MYOM1: variants seen among roughly 807,000 people sequenced by gnomAD.
MYOM1 encodes the protein myomesin-1.
A neutral mutation model predicts 205.3 loss-of-function variants in MYOM1; 164 were observed. The observed-to-expected ratio is 0.80, with a 90% CI of 0.70 to 0.91. The LOEUF is 0.91. Among genes scored for constraint, MYOM1 ranks in the 40% least tolerant of loss-of-function variants. The probability of loss-of-function intolerance (pLI) is 0.00; values close to 1 mark genes in which losing one functional copy is unlikely to be tolerated. For missense variants in MYOM1, 2,011 were observed against 2,127.3 expected, an observed-to-expected ratio of 0.95 and a Z score of 1.08; for synonymous variants, 772 against 789.4, an observed-to-expected ratio of 0.98 and a Z score of 0.37.
intron 33 of MYOM1, among the ~76,000 whole-genome samples, chr18:3,081,759 C>T (rs2079088740): frequency 6.6e-6 from 1 of 152,174 alleles, no homozygotes; most frequent in South Asian, 2.1e-4. Context: ...GAATAAGCCC[C>T]AAGCATTCTA....
intron 4 of MYOM1, 23 bp from the exon 5 acceptor site, chr18:3,187,660 A>T (rs1217668208): frequency 6.4e-7 from 1 of 1,562,000 alleles, no homozygotes; most frequent in Non-Finnish European, 8.7e-7. Context: ...ATATGCAAAC[A>T]AACATATTAC....
In MYOM1 at chr18:3,126,766, T is replaced by C; in HGVS notation, c.2926A>G (p.Ile976Val). The C allele has an allele frequency of 6.2e-7, 1 of 1,613,930 alleles. No individual in the cohort carries two copies. The highest frequency in any genetic ancestry group is 1.3e-5 in the African/African-American group (1 of 75,054). Residue 976 changes from isoleucine (I) to valine (V), a missense_variant, in exon 19 of 38, where the codon ATT becomes GTT. Physicochemically the swap from Ile to Val is conservative, Grantham distance 29. Transcript: ENST00000356443. ...TGYYVNYREV[I>V]DGVPGKWREA... The stretch of plus-strand genomic sequence containing the variant: ...CTCCATTTTCCTGGTACCCCATCAA[T>C]GACCTCGCGATAGTTCACATAATAG...
intron 8 of MYOM1, among the ~76,000 whole-genome samples, chr18:3,170,666 A>G (rs111232664): frequency 0.013 from 2,000 of 152,320 alleles, 34 homozygotes; most frequent in African/African-American, 0.042. Flanking sequence ...AGGACTTGGG[A>G]AAGAAACGAC....
intron 37 of MYOM1, among the ~76,000 whole-genome samples, chr18:3,069,711 G>GAA (rs34792647): frequency 4.0e-5 from 6 of 150,166 alleles, no homozygotes; most frequent in Admixed American, 2.0e-4. Context: ...TAGTGGTTAG[G>GAA]AAAAAAAAAT....
intron 22 of MYOM1, among the ~76,000 whole-genome samples, chr18:3,105,852 C>T (rs1277390361): frequency 6.6e-6 from 1 of 151,954 alleles, no homozygotes; most frequent in Non-Finnish European, 1.5e-5. Flanking sequence ...AAGACTCTGT[C>T]TCAAAAAAAA....
At chr18:3,092,242 G>C (rs1214963898) in intron 26 of MYOM1, among the ~76,000 whole-genome samples, 2 of 152,152 alleles carry the variant, frequency 1.3e-5, no homozygotes, top group East Asian at 1.9e-4. Context: ...TGATGCCCAG[G>C]CTGGAGTGCA....
At position 3,189,199 on chromosome 18, in the gene MYOM1, A is replaced by G. The variant is rs533600149; in HGVS notation, c.432-112T>C. ...CAGACACTGTATCCTGCACCAAAAG[A>G]AAATCCGACATAGAAAAAGCAGGTG... On this transcript the variant is annotated intron_variant, in intron 3 of 37. Coordinates refer to ENST00000356443, the MANE Select transcript of MYOM1 (RefSeq NM_003803.4). This position sits in a 1 kb window ranked among gnomAD's most constrained non-coding sequence, Gnocchi z 4.8. 11 of 982,036 alleles carry G rather than the reference A, an allele frequency of 1.1e-5. No individual in the cohort carries two copies. The African/African-American group carries it at 1.8e-4, about 16-fold the overall frequency. 60.8% of individuals were successfully genotyped at this position (982,036 alleles called of 1,614,324 possible).
the MYOM1 span, among the ~76,000 whole-genome samples, chr18:3,238,129 G>T: frequency 6.6e-6 from 1 of 152,142 alleles, no homozygotes; most frequent in Non-Finnish European, 1.5e-5. Context: ...CCCTGGGCTT[G>T]TTCTCCTACA....
At chr18:3,174,282 C>T in intron 6 of MYOM1, 74 bp from the exon 7 acceptor site, 2 of 1,325,514 alleles carry the variant, frequency 1.5e-6, no homozygotes, top group Non-Finnish European at 2.2e-6. Context: ...TATCAAGGAA[C>T]TCTTTGCTAT....
intron 5 of MYOM1, among the ~76,000 whole-genome samples, chr18:3,176,882 GA>G (rs34339039): frequency 2.7e-4 from 38 of 143,242 alleles, no homozygotes; most frequent in African/African-American, 7.2e-4. Flanking sequence ...ACTCCATCTC[GA>G]AAAAAAAAAA....
intron 4 of MYOM1, among the ~76,000 whole-genome samples, chr18:3,188,288 C>A (rs73375184): frequency 6.6e-6 from 1 of 152,040 alleles, no homozygotes; most frequent in African/African-American, 2.4e-5. Flanking sequence ...TGTTTTCTTA[C>A]GTTTTGTTTC....
At chr18:3,120,058 T>G in intron 19 of MYOM1, 63 bp from the exon 20 acceptor site, 1 of 1,515,212 alleles carries the variant, frequency 6.6e-7, no homozygotes, top group Non-Finnish European at 8.8e-7. Context: ...TTTCTACTTG[T>G]TGAGCATTTT....
chr18:3,236,746 C>T, the MYOM1 span, among the ~76,000 whole-genome samples: 1 of 152,054 alleles, frequency 6.6e-6, no homozygotes, highest in Non-Finnish European at 1.5e-5. Flanking sequence ...ACTTGGTGAT[C>T]GGTGTATAAG....
At position 3,187,642 on chromosome 18, in the gene MYOM1, A is replaced by G. The variant is rs541634578; in HGVS notation, c.772-5T>C. The G allele has an allele frequency of 3.5e-5, 56 of 1,585,208 alleles. No homozygotes were observed. Among genetic ancestry groups the G allele is most frequent in the Middle Eastern group, 1.7e-4 (1 of 5,960 alleles). ...ATATGTCTCGGTTTCTTCTAACTGA[A>G]AAAACAAATATGCAAACAAACATAT... is the stretch of plus-strand genomic sequence containing the variant. On this transcript the variant is annotated splice_polypyrimidine_tract_variant and splice_region_variant and intron_variant, in intron 4 of 37. Transcript: ENST00000356443.
intron 33 of MYOM1, among the ~76,000 whole-genome samples, chr18:3,081,630 C>G (rs796194342): frequency 9.2e-5 from 14 of 152,276 alleles, no homozygotes; most frequent in African/African-American, 2.6e-4. Context: ...TTACTTCTCT[C>G]ATTCTTCAGA....
intron 8 of MYOM1, among the ~76,000 whole-genome samples, chr18:3,173,653 G>A (rs573226538): frequency 1.3e-5 from 2 of 149,116 alleles, no homozygotes; most frequent in African/African-American, 4.9e-5. Flanking sequence ...TTTGCATAAT[G>A]ATCTTTCGCA....
intron 13 of MYOM1, among the ~76,000 whole-genome samples, chr18:3,146,226 A>C (rs188924317): frequency 1.3e-5 from 2 of 152,230 alleles, no homozygotes; most frequent in Admixed American, 6.5e-5. Context: ...AGCTCTTTCA[A>C]AAAATTAAAA....
chr18:3,074,994 C>A (rs937270324), intron 36 of MYOM1, among the ~76,000 whole-genome samples: 1 of 152,128 alleles, frequency 6.6e-6, no homozygotes, highest in Non-Finnish European at 1.5e-5. Context: ...GGGGTTTTGC[C>A]ATGTTGGCCA....
At position 3,151,763 on chromosome 18, in the gene MYOM1, T is replaced by C; in HGVS notation, c.1774A>G (p.Ile592Val). 1 of 1,613,846 alleles carries C rather than the reference T, an allele frequency of 6.2e-7. No individual in the cohort carries two copies. Among genetic ancestry groups the C allele is most frequent in the Non-Finnish European group, 8.5e-7 (1 of 1,179,814 alleles). ...FRVRAVNKMG[I>V]GFPSRVSEPV... ...TCGGAAACTCGAGATGGGAAACCTA[T>C]TCCCATTTTATTCACAGCTCGAACT... The change falls in exon 12 of 38, where the codon ATA becomes GTA. Residue 592 changes from isoleucine (I) to valine (V), a missense_variant. Ile to Val is a conservative substitution (Grantham distance 29). Transcript: ENST00000356443.
Sources: gnomAD v4.1 joint callset for allele counts (sites outside exome capture counted in the v4.1 genomes callset) on GRCh38, gnomAD v4.1.1 for gene constraint, Gnocchi (gnomAD v3.1) non-coding constraint, MANE v1.5 for transcripts, NCBI Gene and HGNC (gene_info 2026-07-23, HGNC 2026-07-21) for gene names.